Variants in ORM2 observed in about 807,000 individuals in gnomAD.
ORM2 encodes the protein alpha-1-acid glycoprotein 2.
In ORM2, 19 loss-of-function variants were observed where a neutral mutation model predicts 26.8. That is an observed-to-expected ratio of 0.71 (90% CI 0.49 to 1.04). The LOEUF is 1.04. Among genes scored for constraint, ORM2 ranks in the 50% least tolerant of loss-of-function variants. The pLI, the probability that ORM2 is intolerant of heterozygous loss-of-function variation, is 0.00. For synonymous variants in ORM2, 94 were observed against 100.0 expected, an observed-to-expected ratio of 0.94 and a Z score of 0.36; for missense variants, 259 against 244.9, an observed-to-expected ratio of 1.06 and a Z score of -0.39.
At position 114,330,844 on chromosome 9, in the gene ORM2, G is replaced by A. The variant is rs779305528; in HGVS notation, c.310G>A (p.Gly104Arg). 8.1e-6 allele frequency: 13 copies of A among 1,613,814 alleles called. No individual in the cohort carries two copies. In the East Asian group the frequency reaches 2.5e-4, roughly 30 times the overall value. Residue 104 changes from glycine to arginine, a missense_variant, in exon 3 of 6, where the codon GGG becomes AGG. By Grantham distance (125) the Gly-to-Arg change is moderately radical. This residue lies in a region of ORM2 where 251 missense variants were observed against 220.5 expected (regional missense o/e 1.14). Coordinates refer to ENST00000431067, the MANE Select transcript of ORM2 (RefSeq NM_000608.4). Reference sequence around the variant, plus strand: ...TTACCTGAATGTCCAGCGGGAGAATGGGACCGTCTCCAGATACGGTGAGGG... The same window carrying A: ...TTACCTGAATGTCCAGCGGGAGAATAGGACCGTCTCCAGATACGGTGAGGG... ...SSYLNVQRENGTVSRYEGGRE... is the reference protein window; with the variant it reads ...SSYLNVQRENRTVSRYEGGRE...
chr9:114,330,931 G>A, intron 3 of ORM2, 69 bp downstream of exon 3: 12 of 1,305,876 alleles, frequency 9.2e-6, no homozygotes, highest in Middle Eastern at 2.0e-4. Context: ...GGTGGGGGCT[G>A]GATGTAGAGC....
intron 4 of ORM2, 70 bp downstream of exon 4, chr9:114,331,744 C>G (rs546284443): frequency 6.3e-7 from 1 of 1,584,180 alleles, no homozygotes; most frequent in East Asian, 2.2e-5. Context: ...CACCCCTGGG[C>G]TGGCCCCTAG....
Position 114,331,616 on chromosome 9 carries a change from G to T in ORM2, c.378G>T (p.Lys126Asn), listed in dbSNP as rs528015486. 656 of 1,614,062 alleles carry T rather than the reference G, an allele frequency of 4.1e-4. 6 individuals are homozygous for T. In the South Asian group the frequency reaches 7.0e-3, roughly 17 times the overall value. ...ACCTGCTGTTCCTTAGGGACACCAA[G>T]ACCTTGATGTTTGGTTCCTACCTGG... ...VAHLLFLRDT[K>N]TLMFGSYLDD... Residue 126 changes from lysine to asparagine, a missense_variant, in exon 4 of 6, where the codon AAG (lysine) becomes AAT (asparagine). Coordinates refer to ENST00000431067, the MANE Select transcript of ORM2 (RefSeq NM_000608.4).
intron 1 of ORM2, 71 bp from the exon 2 acceptor site, chr9:114,330,363 G>C: frequency 6.5e-7 from 1 of 1,527,544 alleles, no homozygotes. Flanking sequence ...AGATCTGCCT[G>C]AGTCTCCTCC....
Position 114,331,854 on chromosome 9 carries a change from A to C in ORM2, c.465A>C (p.Gln155His), listed in dbSNP as rs1422007790. 1 of 1,613,828 alleles carries C rather than the reference A, an allele frequency of 6.2e-7. No homozygotes were observed. The highest frequency in any genetic ancestry group is 2.2e-5 in the East Asian group (1 of 44,874). Residue 155 changes from glutamine to histidine, a missense_variant, in exon 5 of 6, where the codon CAA (glutamine) becomes CAC (histidine). Gln to His is a conservative substitution (Grantham distance 24). This residue lies in a region of ORM2 where 251 missense variants were observed against 220.5 expected (regional missense o/e 1.14). Transcript: ENST00000431067. ...ACAAGCCAGAGACGACCAAGGAGCA[A>C]CTGGGAGAGTTCTACGAAGCTCTCG... is the stretch of plus-strand genomic sequence containing the variant. ...YADKPETTKE[Q>H]LGEFYEALDC...
Position 114,333,079 on chromosome 9 carries a change from A to G in ORM2, c.551A>G (p.Glu184Gly). Residue 184 changes from glutamate (E) to glycine (G), a missense_variant, in exon 6 of 6, where the codon GAG becomes GGG. Glu to Gly is a moderately conservative substitution (Grantham distance 98). This residue lies in a region of ORM2 where 8 missense variants were observed against 24.4 expected (regional missense o/e 0.33). Transcript: ENST00000431067. ...MYTDWKKDKC[E>G]PLEKQHEKER... ...CCCGCTGCCTTCTAGGATAAGTGTG[A>G]GCCACTGGAGAAGCAGCACGAGAAG... The G allele has an allele frequency of 6.4e-7, 1 of 1,572,188 alleles. No homozygotes were observed.
intron 5 of ORM2, among the ~76,000 whole-genome samples, chr9:114,332,164 G>A (rs1360873822): frequency 2.2e-4 from 33 of 151,864 alleles, no homozygotes; most frequent in Middle Eastern, 3.4e-3. Context: ...AAGCTAACAG[G>A]AGGGAACAGC....
Position 114,330,229 on chromosome 9 carries a change from G to A in ORM2, c.115-205G>A, listed in dbSNP as rs776252800. 24 of 731,218 alleles carry A rather than the reference G, an allele frequency of 3.3e-5. 1 individual carries two copies. The highest frequency in any genetic ancestry group is 1.6e-4 in the East Asian group (6 of 37,160). 45.3% of individuals were successfully genotyped at this position (731,218 alleles called of 1,614,324 possible). ...GAAGCCTCACTGCAGAGTCCTTCAC[G>A]GAGGACGGTTCTGTGCTGGGCCTGG... On this transcript the variant is annotated intron_variant, in intron 1 of 5. Coordinates refer to ENST00000431067, the MANE Select transcript of ORM2 (RefSeq NM_000608.4).
intron 3 of ORM2, 28 bp downstream of exon 3, chr9:114,330,890 T>C (rs377291588): frequency 6.3e-7 from 1 of 1,597,582 alleles, no homozygotes; most frequent in Non-Finnish European, 8.6e-7. Context: ...GGCAGGAGGG[T>C]TCACCGTGGG....
intron 5 of ORM2, 49 bp downstream of exon 5, chr9:114,331,978 G>A (rs763971056): frequency 1.3e-6 from 2 of 1,547,088 alleles, no homozygotes; most frequent in Admixed American, 1.7e-5. Flanking sequence ...GGCCCAACTT[G>A]GGCAGCCCCA....
chr9:114,330,679 G>C, intron 2 of ORM2, 103 bp downstream of exon 2: 1 of 1,600,776 alleles, frequency 6.2e-7, no homozygotes. Context: ...GGGTGGAACC[G>C]GGAGGGTTGG....
Position 114,330,783 on chromosome 9 carries a change from TGAC to T in ORM2, c.258-8_258-6del. On this transcript the variant is annotated splice_polypyrimidine_tract_variant and splice_region_variant and intron_variant, in intron 2 of 5. Coordinates refer to ENST00000431067, the MANE Select transcript of ORM2 (RefSeq NM_000608.4). The stretch of plus-strand genomic sequence containing the variant: ...TACTGTTTTTCTTCCGCCTTCTGGT[TGAC>T]TTTAGCCAGAACCAGTGCTTCTATA... 6.2e-7 allele frequency: 1 copy of T among 1,613,708 alleles called. No homozygotes were observed. The highest frequency in any genetic ancestry group is 1.7e-4 in the Middle Eastern group (1 of 6,060).
At chr9:114,332,221 G>A (rs572566680) in intron 5 of ORM2, among the ~76,000 whole-genome samples, 7 of 151,474 alleles carry the variant, frequency 4.6e-5, no homozygotes, top group Non-Finnish European at 1.0e-4. Context: ...GACGTAATGC[G>A]GGGAGTTACC....
In ORM2 at chr9:114,331,904, A is replaced by G; in HGVS notation, c.515A>G (p.Asp172Gly). 2 of 1,613,866 alleles carry G rather than the reference A, an allele frequency of 1.2e-6. No individual in the cohort carries two copies. The highest frequency in any genetic ancestry group is 1.7e-6 in the Non-Finnish European group (2 of 1,179,870). ...GACTGCTTGTGCATTCCCAGGTCAG[A>G]TGTCATGTACACCGACTGGAAAAAG... ...ALDCLCIPRS[D>G]VMYTDWKKDK... Residue 172 changes from aspartate to glycine, a missense_variant, in exon 5 of 6, where the codon GAT becomes GGT. By Grantham distance (94) the Asp-to-Gly change is moderately conservative. This residue lies in a region of ORM2 where 251 missense variants were observed against 220.5 expected (regional missense o/e 1.14). Coordinates refer to ENST00000431067, the MANE Select transcript of ORM2 (RefSeq NM_000608.4).
chr9:114,332,395 G>T lies in ORM2; in HGVS notation c.540+466G>T, dbSNP rs1766094. Among the ~76,000 whole-genome samples, 399 of 144,364 alleles carry T rather than the reference G, an allele frequency of 2.8e-3. 3 individuals carry two copies. The highest frequency in any genetic ancestry group is 6.2e-3 in the African/African-American group (243 of 39,074). 94.7% of individuals were successfully genotyped at this position (144,364 alleles called of 152,430 possible). A position where few individuals can be genotyped will look rare whatever the true frequency, so the allele number is the denominator to read the frequency against. ...ATTTTTGCTACAAATGAAAATTACT[G>T]TATAATGAGCTCCTTAACACTTTTC... is the stretch of plus-strand genomic sequence containing the variant. On this transcript the variant is annotated intron_variant, in intron 5 of 5. Coordinates refer to ENST00000431067, the MANE Select transcript of ORM2 (RefSeq NM_000608.4).
At position 114,332,934 on chromosome 9, in the gene ORM2, G is replaced by A; in HGVS notation, c.541-135G>A. ...GCCCAAGATCACCCAGCTGGGAAGT[G>A]ACAGTGCCAGGGTTGGAGCCCTGGT... is the stretch of plus-strand genomic sequence containing the variant. On this transcript the variant is annotated intron_variant, in intron 5 of 5. Transcript: ENST00000431067. 7 of 932,256 alleles carry A rather than the reference G, an allele frequency of 7.5e-6. No individual in the cohort carries two copies. In the South Asian group the frequency reaches 1.2e-4, roughly 16 times the overall value. The allele number at this position is 932,256 out of a possible 1,614,324, so 57.7% of individuals were successfully genotyped here.
intron 4 of ORM2, 41 bp downstream of exon 4, chr9:114,331,715 G>C (rs758202161): frequency 1.3e-6 from 2 of 1,593,298 alleles, no homozygotes; most frequent in Non-Finnish European, 1.7e-6. Flanking sequence ...CCCCTCTCAG[G>C]CCTCACCCCC....
intron 3 of ORM2, among the ~76,000 whole-genome samples, chr9:114,331,227 T>A (rs1829845709): frequency 6.6e-6 from 1 of 152,020 alleles, no homozygotes; most frequent in Non-Finnish European, 1.5e-5. Flanking sequence ...ATGTCCCCCA[T>A]CACCGCAGAG....
chr9:114,331,255 T>G (rs10817592), intron 3 of ORM2, among the ~76,000 whole-genome samples: 25,634 of 152,030 alleles, frequency 0.17, 2,399 homozygotes, highest in South Asian at 0.29. Flanking sequence ...ATGGCAGGGA[T>G]CTGATGGAGC....
Sources: allele counts gnomAD v4.1 joint callset (sites outside exome capture counted in the v4.1 genomes callset), GRCh38; gene constraint gnomAD v4.1.1; regional missense constraint gnomAD v4.1.1; transcripts MANE v1.5; gene names NCBI Gene and HGNC (gene_info 2026-07-23, HGNC 2026-07-21).